The following RAPGEF5 variants were observed in gnomAD, a reference collection of about 807,000 sequenced individuals.
The protein encoded by RAPGEF5 is M-Ras-regulated GEF.
In RAPGEF5, 65 loss-of-function variants were observed where a neutral mutation model predicts 125.2. The observed-to-expected ratio is 0.52, with a 90% CI of 0.43 to 0.64. RAPGEF5 has a LOEUF of 0.64. Ranked by LOEUF, RAPGEF5 falls within the 30% of genes least tolerant of loss-of-function variation. The pLI is 0.00. For synonymous variants in RAPGEF5, 391 were observed against 385.9 expected (o/e 1.01, Z -0.16); for missense variants, 958 against 1,048.1 (o/e 0.91, Z 1.19).
chr7:22,220,557 G>A (rs17146444), intron 8 of RAPGEF5, among the ~76,000 whole-genome samples: 47,106 of 151,768 alleles, frequency 0.31, 7,432 homozygotes, highest in Middle Eastern at 0.39. Flanking sequence ...CATAAAAGAT[G>A]GTGAAATATT....
chr7:22,173,478 A>T (rs778945503), intron 11 of RAPGEF5, among the ~76,000 whole-genome samples: 36 of 152,328 alleles, frequency 2.4e-4, no homozygotes, highest in South Asian at 1.0e-3. Flanking sequence ...GGCAGAAAAA[A>T]AGTGCTTACT....
At chr7:22,282,946 C>T (rs1782708004) in intron 6 of RAPGEF5, among the ~76,000 whole-genome samples, 1 of 151,710 alleles carries the variant, frequency 6.6e-6, no homozygotes, top group Non-Finnish European at 1.5e-5. Flanking sequence ...TATGTTGTGG[C>T]CAGTGCTTTT....
rs1035607778 is a variant in RAPGEF5 at position 22,173,164 on chromosome 7, T to C, written c.1205-6016A>G. Among the ~76,000 whole-genome samples the C allele has an allele frequency of 2.0e-5, 3 of 152,224 alleles. No individual in the cohort carries two copies. The East Asian group carries it at 5.8e-4, about 29-fold the overall frequency. On this transcript the variant is annotated intron_variant, in intron 11 of 25. Coordinates refer to ENST00000665637, the MANE Select transcript of RAPGEF5 (RefSeq NM_012294.5). ...ATTTCTGGTCCTGGAATGTTACAAC[T>C]TGCCATTATTTTTTGAGAAGCAGTG...
intron 7 of RAPGEF5, among the ~76,000 whole-genome samples, chr7:22,250,195 A>T (rs1348881503): frequency 2.0e-5 from 3 of 152,198 alleles, no homozygotes; most frequent in Non-Finnish European, 2.9e-5. Context: ...CACTAATCTT[A>T]TCCCCAAAAC....
intron 23 of RAPGEF5, 99 bp from the exon 24 acceptor site, chr7:22,131,200 A>T (rs976989453): frequency 7.3e-7 from 1 of 1,372,462 alleles, no homozygotes; most frequent in Non-Finnish European, 9.5e-7. Context: ...CATTTTTCCT[A>T]AACATTATGG....
intron 11 of RAPGEF5, among the ~76,000 whole-genome samples, chr7:22,168,589 A>T (rs1784246726): frequency 1.3e-5 from 2 of 152,228 alleles, no homozygotes; most frequent in South Asian, 4.1e-4. Flanking sequence ...TACATTGAAG[A>T]CTGGATGAAA....
chr7:22,313,546 C>T (rs560738853), intron 3 of RAPGEF5, among the ~76,000 whole-genome samples: 1 of 152,220 alleles, frequency 6.6e-6, no homozygotes, highest in Non-Finnish European at 1.5e-5. Flanking sequence ...CATGCTCTCT[C>T]CCCATTCTAT....
At chr7:22,128,726 G>A (rs1261596141) in intron 24 of RAPGEF5, among the ~76,000 whole-genome samples, 1 of 152,298 alleles carries the variant, frequency 6.6e-6, no homozygotes, top group Non-Finnish European at 1.5e-5. Context: ...CTGTGGACCA[G>A]GAGCTCACTA....
chr7:22,146,377 T>C (rs1783439768), intron 19 of RAPGEF5, among the ~76,000 whole-genome samples: 1 of 152,236 alleles, frequency 6.6e-6, no homozygotes. Flanking sequence ...TTTAAAAATG[T>C]TATAATCTGT....
At chr7:22,154,196 A>G (rs1783724724) in intron 17 of RAPGEF5, among the ~76,000 whole-genome samples, 2 of 152,174 alleles carry the variant, frequency 1.3e-5, no homozygotes, top group African/African-American at 4.8e-5. Flanking sequence ...TAGAGTACAA[A>G]ATATGAAAAG....
chr7:22,232,502 T>C (rs1283011435), intron 7 of RAPGEF5, among the ~76,000 whole-genome samples: 1 of 152,200 alleles, frequency 6.6e-6, no homozygotes, highest in African/African-American at 2.4e-5. Context: ...GTATTTTTAA[T>C]AGAGACAGGG....
chr7:22,174,479 G>A (rs963707605), intron 11 of RAPGEF5, among the ~76,000 whole-genome samples: 7 of 152,182 alleles, frequency 4.6e-5, no homozygotes, highest in Non-Finnish European at 1.0e-4. Flanking sequence ...CCTACTTTAT[G>A]CAGGAGGCAC....
At chr7:22,346,244 C>T (rs112934047) in intron 1 of RAPGEF5, among the ~76,000 whole-genome samples, 3 of 152,130 alleles carry the variant, frequency 2.0e-5, no homozygotes, top group African/African-American at 7.2e-5. Context: ...TGATTTACTC[C>T]AGGTCATGCA....
intron 1 of RAPGEF5, among the ~76,000 whole-genome samples, chr7:22,340,438 C>T (rs2128386671): frequency 6.6e-6 from 1 of 152,318 alleles, no homozygotes; most frequent in East Asian, 1.9e-4. Context: ...AAGACCAAAC[C>T]AGAGAAGGAG....
chr7:22,305,296 A>C (rs927808920), intron 5 of RAPGEF5, among the ~76,000 whole-genome samples: 4 of 152,200 alleles, frequency 2.6e-5, no homozygotes, highest in African/African-American at 9.6e-5. Flanking sequence ...ATTCTCCACA[A>C]TCAACCTTTC....
At chr7:22,319,816 T>C (rs569133953) in intron 1 of RAPGEF5, among the ~76,000 whole-genome samples, 100 of 151,806 alleles carry the variant, frequency 6.6e-4, no homozygotes, top group Middle Eastern at 3.4e-3. Flanking sequence ...TTATATAATC[T>C]AGTTAAAGAA....
At chr7:22,315,150 C>A (rs1337172190) in intron 3 of RAPGEF5, among the ~76,000 whole-genome samples, 1 of 152,164 alleles carries the variant, frequency 6.6e-6, no homozygotes, top group East Asian at 1.9e-4. Context: ...ACACTTGGGG[C>A]TGGAAATTCC....
chr7:22,298,659 G>A (rs561503919), intron 5 of RAPGEF5: 1 of 152,160 alleles, frequency 6.6e-6, no homozygotes, highest in Non-Finnish European at 1.5e-5. Flanking sequence ...GCAGGATTGG[G>A]CCTGGTTCGT....
chr7:22,301,162 C>A lies in RAPGEF5; in HGVS notation c.680+7177G>T, dbSNP rs1783189115. On this transcript the variant is annotated intron_variant, in intron 5 of 25. Coordinates refer to ENST00000665637, the MANE Select transcript of RAPGEF5 (RefSeq NM_012294.5). ...CTAGAGGTTTCAGCTGTAATCAATA[C>A]AAGAGATAGGCTGTAGTAGACTTGC... Among the ~76,000 whole-genome samples, 3 of 152,210 alleles carry A rather than the reference C, an allele frequency of 2.0e-5. No homozygotes were observed. The South Asian group carries it at 6.2e-4, about 32-fold the overall frequency.
Sources: allele counts gnomAD v4.1 joint callset (sites outside exome capture counted in the v4.1 genomes callset), GRCh38; gene constraint gnomAD v4.1.1; transcripts MANE v1.5; gene names NCBI Gene and HGNC (gene_info 2026-07-23, HGNC 2026-07-21).